The following ARB2A variants were observed in gnomAD, a reference collection of about 807,000 sequenced individuals.
ARB2A encodes ARB2 cotranscriptional regulator A, also known as cotranscriptional regulator ARB2A.
chr5:93,664,587 C>T, the ARB2A span, among the ~76,000 whole-genome samples: 2 of 150,220 alleles, frequency 1.3e-5, no homozygotes, highest in African/African-American at 4.9e-5. Flanking sequence ...GCCGAGATAG[C>T]GCCACTGCAC....
chr5:93,626,415 T>A, the ARB2A span, among the ~76,000 whole-genome samples: 1 of 152,214 alleles, frequency 6.6e-6, no homozygotes. Context: ...AATTTCTTCA[T>A]CTGCCATTCA....
At chr5:94,063,803 A>G in the ARB2A span, among the ~76,000 whole-genome samples, 1 of 152,190 alleles carries the variant, frequency 6.6e-6, no homozygotes, top group Non-Finnish European at 1.5e-5. Context: ...CCCAGAATCA[A>G]AGCCAAAGTA....
At chr5:93,907,985 T>G in the ARB2A span, among the ~76,000 whole-genome samples, 1 of 151,378 alleles carries the variant, frequency 6.6e-6, no homozygotes, top group Non-Finnish European at 1.5e-5. Context: ...ATATAGCATA[T>G]CATATCAATA....
At chr5:93,804,772 A>C in the ARB2A span, 1 of 476,624 alleles carries the variant, frequency 2.1e-6, no homozygotes, top group Non-Finnish European at 2.7e-6. Flanking sequence ...ATTCCTCAGA[A>C]AAGAAATGCT....
the ARB2A span, among the ~76,000 whole-genome samples, chr5:94,099,486 T>C: frequency 6.6e-6 from 1 of 151,594 alleles, no homozygotes; most frequent in African/African-American, 2.4e-5. Context: ...TAGCCGGGCA[T>C]GGTGGTGGGC....
the ARB2A span, among the ~76,000 whole-genome samples, chr5:94,037,853 T>C: frequency 6.6e-6 from 1 of 152,146 alleles, no homozygotes; most frequent in Non-Finnish European, 1.5e-5. Context: ...CTAGCCTACA[T>C]TGTTTAATCT....
chr5:94,065,690 CAT>C, the ARB2A span, among the ~76,000 whole-genome samples: 1 of 152,096 alleles, frequency 6.6e-6, no homozygotes. Context: ...CAATTCTAAA[CAT>C]ATATGCACTC....
chr5:94,052,308 A>G, the ARB2A span, among the ~76,000 whole-genome samples: 268 of 152,356 alleles, frequency 1.8e-3, 1 homozygote, highest in African/African-American at 6.2e-3. Flanking sequence ...TTCTACTGGT[A>G]TAAAATAACT....
At chr5:93,964,582 T>A in the ARB2A span, 1 of 1,277,518 alleles carries the variant, frequency 7.8e-7, no homozygotes, top group Admixed American at 2.4e-5. Flanking sequence ...AAAACTGACA[T>A]AAATTTTGGT....
the ARB2A span, among the ~76,000 whole-genome samples, chr5:93,860,003 G>C: frequency 3.3e-5 from 5 of 152,146 alleles, no homozygotes; most frequent in Non-Finnish European, 7.4e-5. Flanking sequence ...ATGTTCATTA[G>C]AATCTTATAG....
chr5:94,042,843 A>G, the ARB2A span, among the ~76,000 whole-genome samples: 1 of 152,310 alleles, frequency 6.6e-6, no homozygotes, highest in African/African-American at 2.4e-5. Context: ...TTATATTTAT[A>G]TAAACTTGTT....
chr5:94,101,487 C>T, the ARB2A span, among the ~76,000 whole-genome samples: 7 of 152,160 alleles, frequency 4.6e-5, no homozygotes, highest in South Asian at 6.2e-4. Flanking sequence ...GACACAAGCA[C>T]GTGAATGTTC....
chr5:93,849,084 T>A, the ARB2A span, among the ~76,000 whole-genome samples: 1 of 152,184 alleles, frequency 6.6e-6, no homozygotes, highest in African/African-American at 2.4e-5. Context: ...GAGGAGTTGT[T>A]TTGATATGAA....
At chr5:93,763,760 G>C in the ARB2A span, among the ~76,000 whole-genome samples, 2 of 151,886 alleles carry the variant, frequency 1.3e-5, no homozygotes, top group African/African-American at 2.4e-5. Context: ...TTTCAGCACC[G>C]CAGCACACCT....
the ARB2A span, among the ~76,000 whole-genome samples, chr5:93,665,801 C>G: frequency 3.3e-5 from 5 of 152,298 alleles, no homozygotes; most frequent in South Asian, 1.0e-3. Context: ...GAGCCCTGAC[C>G]TACCGAGCTT....
chr5:93,962,798 G>A, the ARB2A span, among the ~76,000 whole-genome samples: 1 of 152,116 alleles, frequency 6.6e-6, no homozygotes, highest in Non-Finnish European at 1.5e-5. Context: ...CCAAAGATGG[G>A]CATGATGCTT....
At chr5:93,955,780 T>A in the ARB2A span, among the ~76,000 whole-genome samples, 1 of 152,224 alleles carries the variant, frequency 6.6e-6, no homozygotes, top group Non-Finnish European at 1.5e-5. Context: ...CCCACATTGC[T>A]ATGGAAGCTG....
the ARB2A span, among the ~76,000 whole-genome samples, chr5:93,947,138 C>T: frequency 6.6e-6 from 1 of 152,108 alleles, no homozygotes; most frequent in Admixed American, 6.5e-5. Context: ...TCTGTAGTTT[C>T]TGACTGAATT....
chr5:93,786,989 A>G, the ARB2A span, among the ~76,000 whole-genome samples: 1 of 152,204 alleles, frequency 6.6e-6, no homozygotes. Flanking sequence ...GAAAGGGAGG[A>G]AAGCCATATC....
Sources: gnomAD v4.1 joint callset for allele counts (sites outside exome capture counted in the v4.1 genomes callset) on GRCh38, gnomAD v4.1.1 for gene constraint, MANE v1.5 for transcripts, NCBI Gene and HGNC (gene_info 2026-07-23, HGNC 2026-07-21) for gene names.